Variants in PCCA observed in about 807,000 individuals in gnomAD.
PCCA encodes the protein propionyl-CoA carboxylase alpha chain, mitochondrial.
PCCA carries 74 observed loss-of-function variants against 101.3 expected under a neutral mutation model. That is an observed-to-expected ratio of 0.73 (90% CI 0.61 to 0.89). The LOEUF (loss-of-function observed/expected upper bound fraction) is 0.89. Ranked by LOEUF, PCCA falls within the 40% of genes least tolerant of loss-of-function variation. The pLI is 0.00. For missense variants in PCCA, 891 were observed against 907.0 expected, an observed-to-expected ratio of 0.98 and a Z score of 0.23; for synonymous variants, 294 against 313.6, an observed-to-expected ratio of 0.94 and a Z score of 0.66.
intron 20 of PCCA, among the ~76,000 whole-genome samples, chr13:100,443,934 T>C (rs1374713151): frequency 6.6e-6 from 1 of 152,142 alleles, no homozygotes; most frequent in Non-Finnish European, 1.5e-5. Flanking sequence ...TCTATGTATC[T>C]TCAGCATGAC....
At chr13:100,507,221 T>C (rs1324858718) in intron 21 of PCCA, among the ~76,000 whole-genome samples, 1 of 152,228 alleles carries the variant, frequency 6.6e-6, no homozygotes, top group African/African-American at 2.4e-5. Flanking sequence ...TCATTGTAAA[T>C]GGACTTGCCT....
intron 6 of PCCA, among the ~76,000 whole-genome samples, chr13:100,173,459 G>A (rs1297068114): frequency 1.3e-5 from 2 of 152,126 alleles, no homozygotes; most frequent in Non-Finnish European, 2.9e-5. Context: ...ATAAGAGATA[G>A]AAGATAAAAC....
At chr13:100,491,702 G>A (rs1445999737) in intron 21 of PCCA, 12 of 1,303,062 alleles carry the variant, frequency 9.2e-6, no homozygotes, top group East Asian at 5.6e-5. Context: ...AAGGTGCTGC[G>A]GCCTGGTGGC....
At chr13:100,328,689 A>ATTTTTTTTTTTTTTTTT (rs757599001) in intron 16 of PCCA, among the ~76,000 whole-genome samples, 5 of 98,216 alleles carry the variant, frequency 5.1e-5, no homozygotes, top group Non-Finnish European at 1.0e-4. Flanking sequence ...GTTGAGGTTA[A>ATTTTTTTTTTTTTTTTT]TTTTTTTTTT....
intron 4 of PCCA, among the ~76,000 whole-genome samples, chr13:100,152,407 A>G (rs2053440318): frequency 1.3e-5 from 2 of 149,428 alleles, no homozygotes; most frequent in Non-Finnish European, 3.0e-5. Flanking sequence ...CCAGTAAAAT[A>G]TATTAGGCTC....
chr13:100,251,843 A>G (rs1279244724), intron 8 of PCCA, among the ~76,000 whole-genome samples: 2 of 152,246 alleles, frequency 1.3e-5, no homozygotes, highest in African/African-American at 4.8e-5. Flanking sequence ...AAACATCTTG[A>G]ATTTAATGAG....
chr13:100,263,210 C>T (rs2062645790), intron 10 of PCCA, among the ~76,000 whole-genome samples: 1 of 152,128 alleles, frequency 6.6e-6, no homozygotes, highest in African/African-American at 2.4e-5. Context: ...TTCTTCTATT[C>T]AGTTTAAGAT....
In PCCA at chr13:100,134,903, T is replaced by C. The variant is rs188863255; in HGVS notation, c.301-20076T>C. 1.6e-3 allele frequency among the ~76,000 whole-genome samples: 233 copies of C among 148,412 alleles called. 3 individuals carry two copies. Among genetic ancestry groups the C allele is most frequent in the East Asian group, 0.011 (58 of 5,068 alleles). On this transcript the variant is annotated intron_variant, in intron 4 of 23. Coordinates refer to ENST00000376285, the MANE Select transcript of PCCA (RefSeq NM_000282.4). Reference sequence around the variant, plus strand: ...GTTTTCAATATGCAGATCCTGCACATGCTTTGTTTTGTTTGTTTTTTGTAG... The same window carrying C: ...GTTTTCAATATGCAGATCCTGCACACGCTTTGTTTTGTTTGTTTTTTGTAG...
chr13:100,496,881 A>G (rs1594007918), intron 21 of PCCA, among the ~76,000 whole-genome samples: 1 of 152,190 alleles, frequency 6.6e-6, no homozygotes, highest in African/African-American at 2.4e-5. Flanking sequence ...ACATGATACC[A>G]TGAACACAGC....
chr13:100,367,730 G>T (rs1423241906), intron 18 of PCCA, among the ~76,000 whole-genome samples: 2 of 150,142 alleles, frequency 1.3e-5, no homozygotes, highest in South Asian at 4.2e-4. Context: ...AAGCCGAGGC[G>T]GGTGGATCAT....
At chr13:100,267,418 TTAAC>T (rs1043836105) in intron 10 of PCCA, among the ~76,000 whole-genome samples, 2 of 152,216 alleles carry the variant, frequency 1.3e-5, no homozygotes, top group Non-Finnish European at 2.9e-5. Flanking sequence ...CAGTCATATA[TTAAC>T]TATTTATTTT....
chr13:100,185,637 ATTTC>A (rs1359464253), intron 6 of PCCA, among the ~76,000 whole-genome samples: 1 of 130,100 alleles, frequency 7.7e-6, no homozygotes, highest in African/African-American at 3.0e-5. Context: ...GTTTTCTTAA[ATTTC>A]TTTTTCTTTT....
intron 6 of PCCA, among the ~76,000 whole-genome samples, chr13:100,186,693 A>G (rs553374021): frequency 4.0e-5 from 6 of 148,930 alleles, no homozygotes; most frequent in African/African-American, 1.2e-4. Flanking sequence ...GTGAGCCAAG[A>G]TCGCATCACT....
chr13:100,376,214 T>G (rs2075891298), intron 19 of PCCA, among the ~76,000 whole-genome samples: 1 of 152,212 alleles, frequency 6.6e-6, no homozygotes, highest in Non-Finnish European at 1.5e-5. Context: ...TGTTCCTTCC[T>G]CTGAAAGCTT....
At chr13:100,425,027 G>A (rs1231229951) in intron 19 of PCCA, among the ~76,000 whole-genome samples, 1 of 151,920 alleles carries the variant, frequency 6.6e-6, no homozygotes, top group African/African-American at 2.4e-5. Context: ...TCTTTTACGA[G>A]TATCCCTGTT....
At chr13:100,371,240 G>A (rs1222503884) in intron 19 of PCCA, among the ~76,000 whole-genome samples, 1 of 152,102 alleles carries the variant, frequency 6.6e-6, no homozygotes, top group East Asian at 1.9e-4. Context: ...TGGTAAAAAG[G>A]AAAGTTGCAA....
chr13:100,142,712 G>A (rs906188775), intron 4 of PCCA, among the ~76,000 whole-genome samples: 27 of 152,124 alleles, frequency 1.8e-4, no homozygotes, highest in African/African-American at 5.8e-4. Context: ...GACCTCAGGT[G>A]ATCCACCCGC....
intron 18 of PCCA, among the ~76,000 whole-genome samples, chr13:100,341,559 A>G (rs1347679241): frequency 6.6e-6 from 1 of 152,214 alleles, no homozygotes; most frequent in African/African-American, 2.4e-5. Context: ...CAGCTCCTGC[A>G]CTGGGCAACT....
intron 22 of PCCA, among the ~76,000 whole-genome samples, chr13:100,521,306 G>A (rs1594125837): frequency 6.6e-6 from 1 of 152,252 alleles, no homozygotes; most frequent in Non-Finnish European, 1.5e-5. Context: ...CAGACGGCAC[G>A]TGTGCCTGAA....
Sources: gnomAD v4.1 joint callset for allele counts (sites outside exome capture counted in the v4.1 genomes callset) on GRCh38, gnomAD v4.1.1 for gene constraint, MANE v1.5 for transcripts, NCBI Gene and HGNC (gene_info 2026-07-23, HGNC 2026-07-21) for gene names.